Variants in GRM5 observed in about 807,000 individuals in gnomAD.
GRM5 encodes glutamate metabotropic receptor 5, also known as metabotropic glutamate receptor 5.
A neutral mutation model predicts 83.1 loss-of-function variants in GRM5; 19 were observed. That is an observed-to-expected ratio of 0.23 (90% CI 0.16 to 0.34). The LOEUF (loss-of-function observed/expected upper bound fraction) is 0.34, where lower values mean the gene tolerates loss of function less well. GRM5 is among the 10% of genes least tolerant of loss of function. The pLI, the probability that GRM5 is intolerant of heterozygous loss-of-function variation, is 1.00. For missense variants in GRM5, 1,160 were observed against 1,588.3 expected, an observed-to-expected ratio of 0.73 and a Z score of 4.58; for synonymous variants, 675 against 633.6, an observed-to-expected ratio of 1.07 and a Z score of -0.98.
intron 4 of GRM5, among the ~76,000 whole-genome samples, chr11:88,640,802 T>C (rs889340239): frequency 2.0e-5 from 3 of 152,104 alleles, no homozygotes; most frequent in African/African-American, 7.2e-5. Flanking sequence ...GTGTGGAGCT[T>C]CCACGCTCTC....
intron 2 of GRM5, among the ~76,000 whole-genome samples, chr11:88,986,086 G>A (rs1939698808): frequency 6.6e-6 from 1 of 152,008 alleles, no homozygotes. Flanking sequence ...ATTATGGCAG[G>A]CTTATTACAG....
chr11:88,890,237 C>T (rs1945121021), intron 2 of GRM5, among the ~76,000 whole-genome samples: 1 of 151,994 alleles, frequency 6.6e-6, no homozygotes. Context: ...CTGTTTTCTC[C>T]CATAGTATCT....
intron 3 of GRM5, among the ~76,000 whole-genome samples, chr11:88,724,423 A>G (rs913214841): frequency 2.9e-4 from 44 of 151,746 alleles, no homozygotes; most frequent in Non-Finnish European, 5.0e-4. Flanking sequence ...ACTGCCCTCC[A>G]TGGTGTTATT....
At chr11:88,704,814 A>G (rs551072482) in intron 3 of GRM5, among the ~76,000 whole-genome samples, 2 of 151,758 alleles carry the variant, frequency 1.3e-5, no homozygotes, top group Non-Finnish European at 2.9e-5. Flanking sequence ...GTTCTCTCCT[A>G]ACTACCATTT....
intron 4 of GRM5, among the ~76,000 whole-genome samples, chr11:88,645,720 C>T (rs1177530789): frequency 1.3e-5 from 2 of 151,910 alleles, no homozygotes; most frequent in African/African-American, 2.4e-5. Flanking sequence ...TTATCAAAAA[C>T]ATTAGATAGG....
At chr11:88,663,294 A>C (rs1939953383) in intron 3 of GRM5, among the ~76,000 whole-genome samples, 1 of 152,164 alleles carries the variant, frequency 6.6e-6, no homozygotes, top group Admixed American at 6.5e-5. Flanking sequence ...GATGGCAGGC[A>C]TTATCTCCTC....
intron 4 of GRM5, among the ~76,000 whole-genome samples, chr11:88,650,572 C>G (rs1174117542): frequency 6.6e-6 from 1 of 151,894 alleles, no homozygotes; most frequent in Non-Finnish European, 1.5e-5. Context: ...AACTTAAACT[C>G]TCATACATGA....
At chr11:88,816,539 A>AG (rs1415603747) in intron 3 of GRM5, among the ~76,000 whole-genome samples, 1 of 120,174 alleles carries the variant, frequency 8.3e-6, no homozygotes. Flanking sequence ...ACTCCATCTC[A>AG]AAAAAAAAAA....
chr11:88,827,725 T>C (rs1943917165), intron 3 of GRM5, among the ~76,000 whole-genome samples: 1 of 152,222 alleles, frequency 6.6e-6, no homozygotes, highest in Non-Finnish European at 1.5e-5. Flanking sequence ...GCTTATTTAT[T>C]TCATTAGGTG....
At chr11:88,986,257 G>C (rs549843029) in intron 2 of GRM5, among the ~76,000 whole-genome samples, 2 of 152,086 alleles carry the variant, frequency 1.3e-5, no homozygotes, top group Non-Finnish European at 2.9e-5. Flanking sequence ...GTCATATATT[G>C]TATGGTTCAA....
chr11:88,965,116 C>T lies in GRM5; in HGVS notation c.661+82096G>A, dbSNP rs1194931440. Among the ~76,000 whole-genome samples, 8 of 152,158 alleles carry T rather than the reference C, an allele frequency of 5.3e-5. No homozygotes were observed. The East Asian group carries it at 1.5e-3, about 29-fold the overall frequency. On this transcript the variant is annotated intron_variant, in intron 2 of 9. Transcript: ENST00000305447. ...TGTTAGACTGAATAAAAATCTAAGG[C>T]ATATAGTTATATTCTATCTACAAGA...
intron 3 of GRM5, among the ~76,000 whole-genome samples, chr11:88,659,853 G>T (rs770673213): frequency 2.6e-5 from 4 of 151,892 alleles, no homozygotes; most frequent in Non-Finnish European, 5.9e-5. Context: ...CTCCCTTAAT[G>T]AAATCTAAAT....
chr11:88,687,690 A>G (rs1008701711), intron 3 of GRM5, among the ~76,000 whole-genome samples: 1 of 141,410 alleles, frequency 7.1e-6, no homozygotes, highest in African/African-American at 2.7e-5. Context: ...AAAAATGGTA[A>G]TTTTCAATAC....
chr11:88,864,879 G>T (rs1486179745), intron 2 of GRM5, among the ~76,000 whole-genome samples: 3 of 151,964 alleles, frequency 2.0e-5, no homozygotes, highest in African/African-American at 7.2e-5. Flanking sequence ...GCGTAAAGGG[G>T]TGTTGAATTT....
rs528641491 is a variant in GRM5 at position 88,706,358 on chromosome 11, G to A, written c.912-52955C>T. Reference sequence around the variant, plus strand: ...CACATTGTTTCAACATCTGTGTTCTGGCATTTATTGCACTATATTGTAATT... The same window carrying A: ...CACATTGTTTCAACATCTGTGTTCTAGCATTTATTGCACTATATTGTAATT... On this transcript the variant is annotated intron_variant, in intron 3 of 9. Transcript: ENST00000305447. Among the ~76,000 whole-genome samples the A allele has an allele frequency of 4.6e-5, 7 of 152,066 alleles. No homozygotes were observed. In the East Asian group the frequency reaches 1.4e-3, roughly 29 times the overall value.
At chr11:88,915,954 A>G (rs56720222) in intron 2 of GRM5, among the ~76,000 whole-genome samples, 17,219 of 152,226 alleles carry the variant, frequency 0.11, 1,587 homozygotes, top group East Asian at 0.26. Context: ...GAAAACAAAA[A>G]CTACCACAGA....
chr11:88,886,269 C>G (rs1015862368), intron 2 of GRM5, among the ~76,000 whole-genome samples: 7 of 152,148 alleles, frequency 4.6e-5, no homozygotes, highest in Admixed American at 3.3e-4. Flanking sequence ...TGATGACAAA[C>G]CCTGGGTTTA....
intron 3 of GRM5, among the ~76,000 whole-genome samples, chr11:88,787,131 ATGTGTGTGTGTGTGTGTGTG>A (rs57116541): frequency 7.0e-6 from 1 of 143,342 alleles, no homozygotes; most frequent in Non-Finnish European, 1.5e-5. Context: ...ATATGATATG[ATGTGTGTGTGTGTGTGTGTG>A]TGTGTGTGTG....
chr11:88,567,253 G>A lies in GRM5; in HGVS notation c.2430C>T (p.Ala810=). The change falls in exon 8 of 10, where the codon GCC becomes GCT. Residue 810 remains alanine, a synonymous_variant. Coordinates refer to ENST00000305447, the MANE Select transcript of GRM5 (RefSeq NM_001143831.3). The surrounding 1 kb of genome is among the most constrained non-coding windows in gnomAD (Gnocchi z 7.3). ...CAAACATGCAGCCTAGGGCCACTGTGGCACTGAGGCTGACCGAGAAACACA... is the reference window on the plus strand; with the variant it reads ...CAAACATGCAGCCTAGGGCCACTGTAGCACTGAGGCTGACCGAGAAACACA... The part of the protein sequence containing the change: ...ITMCFSVSLS[A]TVALGCMFVP... 1 of 1,614,012 alleles carries A rather than the reference G, an allele frequency of 6.2e-7. No individual in the cohort carries two copies. Among genetic ancestry groups the A allele is most frequent in the Admixed American group, 1.7e-5 (1 of 60,022 alleles).
Sources: allele counts gnomAD v4.1 joint callset (sites outside exome capture counted in the v4.1 genomes callset), GRCh38; gene constraint gnomAD v4.1.1; non-coding constraint Gnocchi (gnomAD v3.1); transcripts MANE v1.5; gene names NCBI Gene and HGNC (gene_info 2026-07-23, HGNC 2026-07-21).